The following PICALM variants were observed in gnomAD, a reference collection of about 807,000 sequenced individuals.
PICALM encodes phosphatidylinositol-binding clathrin assembly protein.
In PICALM, 40 loss-of-function variants were observed where a neutral mutation model predicts 80.5. The observed-to-expected ratio is 0.50, with a 90% CI of 0.39 to 0.65. The LOEUF is 0.65. Among genes scored for constraint, PICALM ranks in the 30% least tolerant of loss-of-function variants. The pLI is 0.00. For missense variants in PICALM, 676 were observed against 778.9 expected (o/e 0.87, Z 1.57); for synonymous variants, 288 against 260.3 (o/e 1.11, Z -1.02).
At chr11:86,061,251 C>A (rs1332854448) in intron 1 of PICALM, among the ~76,000 whole-genome samples, 1 of 150,186 alleles carries the variant, frequency 6.7e-6, no homozygotes, top group Non-Finnish European at 1.5e-5. Context: ...ATCACTTGAA[C>A]CCCTGGGAGA....
intron 2 of PICALM, among the ~76,000 whole-genome samples, chr11:86,027,217 T>G (rs1248075305): frequency 2.6e-4 from 40 of 152,190 alleles, no homozygotes; most frequent in Admixed American, 2.6e-3. Context: ...TCTCCATGCA[T>G]AAGTATATGA....
intron 1 of PICALM, among the ~76,000 whole-genome samples, chr11:86,032,343 T>C (rs1455209496): frequency 6.6e-6 from 1 of 152,160 alleles, no homozygotes; most frequent in African/African-American, 2.4e-5. Flanking sequence ...TAAAATAGGT[T>C]GGGTGCGGTG....
intron 3 of PICALM, chr11:86,023,570 C>A (rs2095601636): frequency 1.0e-6 from 1 of 985,070 alleles, no homozygotes; most frequent in Non-Finnish European, 1.2e-6. Flanking sequence ...ATTATTAACA[C>A]CTTACCACTA....
At chr11:86,000,849 A>C in intron 10 of PICALM, 70 bp from the exon 11 acceptor site, 1 of 1,547,048 alleles carries the variant, frequency 6.5e-7, no homozygotes, top group Admixed American at 2.0e-5. Flanking sequence ...TGAAAAAAGC[A>C]TTTTCTAATT....
chr11:86,018,560 A>G (rs2095516000), intron 4 of PICALM, among the ~76,000 whole-genome samples: 1 of 152,202 alleles, frequency 6.6e-6, no homozygotes, highest in African/African-American at 2.4e-5. Context: ...TCAGATGTAC[A>G]CCTGCAACAT....
intron 1 of PICALM, among the ~76,000 whole-genome samples, chr11:86,059,115 C>A (rs1458866776): frequency 6.6e-6 from 1 of 152,120 alleles, no homozygotes; most frequent in Admixed American, 6.5e-5. Flanking sequence ...AAATTTGTAA[C>A]CAGGCAATTT....
Position 85,974,735 on chromosome 11 carries a change from G to A in PICALM, c.1917C>T (p.Asn639=). ...GTGCTCCTGATACAGGGCCAAAGGG[G>A]TTTGGAGGTCTCATGACAGGCTGGC... The part of the protein sequence containing the change: ...IYSQPVMRPP[N]PFGPVSGAQI... Residue 639 remains asparagine, a synonymous_variant, in exon 19 of 20, where the codon AAC becomes AAT. Transcript: ENST00000393346. The A allele has an allele frequency of 6.2e-7, 1 of 1,612,534 alleles. No homozygotes were observed. The highest frequency in any genetic ancestry group is 1.1e-5 in the South Asian group (1 of 91,044).
At chr11:86,066,380 A>T (rs2096448329) in intron 1 of PICALM, among the ~76,000 whole-genome samples, 1 of 152,204 alleles carries the variant, frequency 6.6e-6, no homozygotes, top group East Asian at 1.9e-4. Flanking sequence ...TTTTAAATCA[A>T]ATACTACCAG....
intron 1 of PICALM, among the ~76,000 whole-genome samples, chr11:86,057,091 T>C (rs539323385): frequency 1.3e-5 from 2 of 152,272 alleles, no homozygotes; most frequent in Non-Finnish European, 2.9e-5. Context: ...ATAATGGGGA[T>C]GGTTGCACAC....
intron 3 of PICALM, among the ~76,000 whole-genome samples, chr11:86,025,840 T>C (rs753227621): frequency 6.6e-6 from 1 of 152,182 alleles, no homozygotes; most frequent in Admixed American, 6.5e-5. Context: ...ATAACAGGCA[T>C]GAGCCACCGT....
intron 1 of PICALM, among the ~76,000 whole-genome samples, chr11:86,038,596 G>A (rs1269374063): frequency 2.7e-5 from 4 of 150,712 alleles, no homozygotes; most frequent in Non-Finnish European, 5.9e-5. Context: ...GCCTGGCCAA[G>A]ATGCTGAAAC....
intron 1 of PICALM, among the ~76,000 whole-genome samples, chr11:86,067,570 G>T (rs2096464758): frequency 6.6e-6 from 1 of 152,212 alleles, no homozygotes; most frequent in African/African-American, 2.4e-5. Flanking sequence ...TGTCGTGTAA[G>T]AGAAGCTAAA....
chr11:86,064,358 T>C (rs1328765290), intron 1 of PICALM, among the ~76,000 whole-genome samples: 2 of 152,062 alleles, frequency 1.3e-5, no homozygotes, highest in Non-Finnish European at 2.9e-5. Context: ...GGGGAAAATA[T>C]GAATTAAAAA....
intron 17 of PICALM, 132 bp downstream of exon 17, chr11:85,980,997 A>T: frequency 1.8e-6 from 1 of 564,570 alleles, no homozygotes; most frequent in South Asian, 2.5e-5. Context: ...CTTTGAAAGA[A>T]ATACAATTAC....
rs1294584093 is a variant in PICALM at position 85,990,259 on chromosome 11, T to C, written c.1399A>G (p.Met467Val). Residue 467 changes from methionine to valine, a missense_variant, in exon 13 of 20, where the codon ATG becomes GTG. Met to Val is a conservative substitution (Grantham distance 21). Coordinates refer to ENST00000393346, the MANE Select transcript of PICALM (RefSeq NM_007166.4). ...TTAAATGGTACTTTACCAACAAACATTTCATGAGTAGGTGTCCTAGTAGTA... is the reference window on the plus strand; with the variant it reads ...TTAAATGGTACTTTACCAACAAACACTTCATGAGTAGGTGTCCTAGTAGTA... ...TFTTRTPTHE[M>V]FVGFTPSPVA... The C allele has an allele frequency of 1.9e-6, 3 of 1,590,498 alleles. No individual in the cohort carries two copies. The highest frequency in any genetic ancestry group is 1.7e-5 in the Admixed American group (1 of 59,104).
At chr11:86,058,063 T>G (rs613222) in intron 1 of PICALM, among the ~76,000 whole-genome samples, 75,234 of 152,104 alleles carry the variant, frequency 0.49, 19,014 homozygotes, top group East Asian at 0.6. Context: ...TTGAAGTATA[T>G]TAAAAAGACT....
rs549330341 is a variant in PICALM at position 86,012,823 on chromosome 11, T to C, written c.547-431A>G. Among the ~76,000 whole-genome samples, 34 of 152,156 alleles carry C rather than the reference T, an allele frequency of 2.2e-4. No individual in the cohort carries two copies. The East Asian group carries it at 5.8e-3, about 26-fold the overall frequency. On this transcript the variant is annotated intron_variant, in intron 5 of 19. Coordinates refer to ENST00000393346, the MANE Select transcript of PICALM (RefSeq NM_007166.4). Reference sequence around the variant, plus strand: ...TATCTAGTAGAGCTGATGTCCATTATATAGGGAGAATCCTAATAATAAATA... The same window carrying C: ...TATCTAGTAGAGCTGATGTCCATTACATAGGGAGAATCCTAATAATAAATA...
chr11:86,013,816 G>C (rs949230016), intron 5 of PICALM, among the ~76,000 whole-genome samples: 7 of 152,098 alleles, frequency 4.6e-5, no homozygotes, highest in Non-Finnish European at 8.8e-5. Context: ...AAATATTTTA[G>C]ACTGTGGGCC....
intron 4 of PICALM, among the ~76,000 whole-genome samples, chr11:86,017,643 T>G (rs1422656072): frequency 6.6e-6 from 1 of 152,180 alleles, no homozygotes; most frequent in Non-Finnish European, 1.5e-5. Flanking sequence ...TTCCCAGTTT[T>G]GCCACAGCAT....
Sources: allele counts gnomAD v4.1 joint callset (sites outside exome capture counted in the v4.1 genomes callset), GRCh38; gene constraint gnomAD v4.1.1; transcripts MANE v1.5; gene names NCBI Gene and HGNC (gene_info 2026-07-23, HGNC 2026-07-21).